SYNE2: variants seen among roughly 807,000 people sequenced by gnomAD.
The protein encoded by SYNE2 is nesprin-2.
SYNE2 carries 431 observed loss-of-function variants against 856.3 expected under a neutral mutation model. The ratio of observed to expected loss-of-function variants is 0.50; its 90% CI spans 0.47 to 0.55. The LOEUF is 0.55. Among genes scored for constraint, SYNE2 ranks in the 20% least tolerant of loss-of-function variants. The pLI, the probability that SYNE2 is intolerant of heterozygous loss-of-function variation, is 0.00. For synonymous variants in SYNE2, 2,923 were observed against 2,872.3 expected (o/e 1.02, Z -0.56); for missense variants, 8,129 against 8,023.2 (o/e 1.01, Z -0.50).
At chr14:63,764,556 C>CT (rs34093002) in intron 1 of SYNE2, among the ~76,000 whole-genome samples, 60,331 of 120,974 alleles carry the variant, frequency 0.5, 17,243 homozygotes, top group Non-Finnish European at 0.64. Flanking sequence ...TCTTTTGACT[C>CT]TTTTTTTTTT....
intron 1 of SYNE2, among the ~76,000 whole-genome samples, chr14:63,818,024 C>CAAAAAAAAAAAAA (rs34186501): frequency 1.4e-4 from 9 of 64,768 alleles, no homozygotes; most frequent in Non-Finnish European, 2.1e-4. Context: ...GACCCTTTCT[C>CAAAAAAAAAAAAA]AAAAAAAAAA....
intron 1 of SYNE2, among the ~76,000 whole-genome samples, chr14:63,814,912 C>G (rs1363242796): frequency 1.1e-5 from 1 of 89,390 alleles, no homozygotes; most frequent in African/African-American, 3.8e-5. Context: ...CCATATATAT[C>G]CATATATCTA....
At chr14:63,779,782 G>A (rs530552936) in intron 1 of SYNE2, among the ~76,000 whole-genome samples, 11 of 152,182 alleles carry the variant, frequency 7.2e-5, no homozygotes, top group African/African-American at 2.4e-4. Context: ...GTGGTGCCAC[G>A]TGCCTGTAAT....
At chr14:63,823,885 C>T (rs1460381141) in intron 1 of SYNE2, among the ~76,000 whole-genome samples, 1 of 152,108 alleles carries the variant, frequency 6.6e-6, no homozygotes, top group African/African-American at 2.4e-5. Context: ...AATACTCCCT[C>T]CTTGGCTTCC....
rs746066706 is a variant in SYNE2, at chr14:64,016,486, A to G, written c.4742A>G (p.Lys1581Arg). Residue 1581 changes from lysine (K) to arginine (R), a missense_variant, in exon 33 of 116, where the codon AAA becomes AGA. This residue lies in a region of SYNE2 where 2,422 missense variants were observed against 2,357.4 expected (regional missense o/e 1.03). Transcript: ENST00000555002. The part of the protein sequence containing the change: ...KKRIAEIEIV[K>R]EEFNEHLEVV... ...TCTTTTTTACAGATTGAAATTGTCA[A>G]AGAAGAATTTAATGAGCATTTAGAA... 6.3e-7 allele frequency: 1 copy of G among 1,589,246 alleles called. No individual in the cohort carries two copies. Among genetic ancestry groups the G allele is most frequent in the Non-Finnish European group, 8.6e-7 (1 of 1,165,840 alleles).
intron 47 of SYNE2, among the ~76,000 whole-genome samples, chr14:64,051,205 ACCTTT>A (rs1229840179): frequency 1.3e-5 from 2 of 151,946 alleles, no homozygotes; most frequent in African/African-American, 4.8e-5. Flanking sequence ...TCCTAGACTA[ACCTTT>A]ATACAAGTAC....
chr14:63,924,456 T>G (rs1450432117), intron 2 of SYNE2, among the ~76,000 whole-genome samples: 2 of 152,226 alleles, frequency 1.3e-5, no homozygotes, highest in African/African-American at 4.8e-5. Context: ...TGGAAAGTAT[T>G]GCCATCTTAA....
intron 17 of SYNE2, among the ~76,000 whole-genome samples, chr14:63,983,328 A>G (rs2096600881): frequency 6.6e-6 from 1 of 152,160 alleles, no homozygotes; most frequent in Non-Finnish European, 1.5e-5. Flanking sequence ...TGCTCAAGAG[A>G]GCTTTCAGTT....
chr14:63,852,744 C>G (rs1890653384), upstream of SYNE2, among the ~76,000 whole-genome samples: 1 of 152,172 alleles, frequency 6.6e-6, no homozygotes, highest in Non-Finnish European at 1.5e-5. Flanking sequence ...TCCTGTTCAC[C>G]CAGCCCCGGG....
intron 73 of SYNE2, among the ~76,000 whole-genome samples, chr14:64,127,445 A>G (rs770575529): frequency 3.3e-5 from 5 of 152,176 alleles, no homozygotes; most frequent in Non-Finnish European, 2.9e-5. Context: ...TAAAAAAAGT[A>G]GAGTCTTGAG....
At chr14:63,889,624 A>G (rs1230110779) in intron 1 of SYNE2, among the ~76,000 whole-genome samples, 1 of 151,886 alleles carries the variant, frequency 6.6e-6, no homozygotes, top group African/African-American at 2.4e-5. Context: ...CCACAGATGC[A>G]GGCCATGACA....
chr14:63,829,094 A>G (rs1889569989), intron 1 of SYNE2, among the ~76,000 whole-genome samples: 1 of 152,100 alleles, frequency 6.6e-6, no homozygotes, highest in Admixed American at 6.6e-5. Flanking sequence ...GCTGATGGAC[A>G]TGTAAAATGG....
chr14:63,976,037 G>A (rs1199017391), intron 11 of SYNE2, among the ~76,000 whole-genome samples: 6 of 152,202 alleles, frequency 3.9e-5, no homozygotes, highest in Non-Finnish European at 8.8e-5. Context: ...AGTGGTGGGA[G>A]GCTGAAGAAG....
chr14:63,911,513 G>A (rs1432590845), intron 2 of SYNE2, among the ~76,000 whole-genome samples: 5 of 152,154 alleles, frequency 3.3e-5, no homozygotes, highest in Admixed American at 3.3e-4. Flanking sequence ...ACAACCACAT[G>A]ATGAAGTAGA....
chr14:63,990,853 C>G, intron 20 of SYNE2, 89 bp from the exon 21 acceptor site: 1 of 1,039,670 alleles, frequency 9.6e-7, no homozygotes, highest in South Asian at 1.4e-5. Flanking sequence ...ATATCTTTGT[C>G]TAGTGGGAAA....
Position 63,986,608 on chromosome 14 carries a change from A to C in SYNE2, c.2304A>C (p.Glu768Asp). ...DQDDVDTSME[E>D]SLKHLIAKGS... ...ATGATGTGGACACCTCAATGGAAGA[A>C]TCTTTGAAGGTATGTGTGTAAAAGT... Residue 768 changes from glutamate (E) to aspartate (D), a missense_variant, in exon 19 of 116, where the codon GAA (glutamate) becomes GAC (aspartate). Coordinates refer to ENST00000555002, the MANE Select transcript of SYNE2 (RefSeq NM_182914.3). 2 of 1,614,144 alleles carry C rather than the reference A, an allele frequency of 1.2e-6. No individual in the cohort carries two copies. Among genetic ancestry groups the C allele is most frequent in the South Asian group, 2.2e-5 (2 of 91,080 alleles).
chr14:63,976,954 G>A (rs1285134782), intron 12 of SYNE2, among the ~76,000 whole-genome samples: 2 of 146,826 alleles, frequency 1.4e-5, no homozygotes, highest in African/African-American at 5.0e-5. Context: ...TAAGGATAGA[G>A]TTCTAAAGCA....
chr14:63,944,797 G>C (rs1317653339), intron 6 of SYNE2, among the ~76,000 whole-genome samples: 1 of 145,064 alleles, frequency 6.9e-6, no homozygotes, highest in Non-Finnish European at 1.5e-5. Flanking sequence ...GGGATTACAG[G>C]CGTGAGCCAC....
Position 64,052,477 on chromosome 14 carries a change from C to T in SYNE2, c.8564C>T (p.Thr2855Ile). The part of the protein sequence containing the change: ...KFQLMVQESE[T>I]LIIPRVETAA... ...CAACTTATGGTTCAAGAAAGTGAAA[C>T]ACTGATAATTCCCAGGGTGGAGACA... The change falls in exon 48 of 116, where the codon ACA (threonine) becomes ATA (isoleucine). Residue 2855 changes from threonine (T) to isoleucine (I), a missense_variant. Coordinates refer to ENST00000555002, the MANE Select transcript of SYNE2 (RefSeq NM_182914.3). The T allele has an allele frequency of 6.2e-7, 1 of 1,613,618 alleles. No individual in the cohort carries two copies. The highest frequency in any genetic ancestry group is 1.1e-5 in the South Asian group (1 of 91,006).
Sources: allele counts gnomAD v4.1 joint callset (sites outside exome capture counted in the v4.1 genomes callset), GRCh38; gene constraint gnomAD v4.1.1; regional missense constraint gnomAD v4.1.1; transcripts MANE v1.5; gene names NCBI Gene and HGNC (gene_info 2026-07-23, HGNC 2026-07-21).